PLCD4: variants seen among roughly 807,000 people sequenced by gnomAD.
PLCD4 encodes 1-phosphatidylinositol 4,5-bisphosphate phosphodiesterase delta-4.
PLCD4 carries 63 observed loss-of-function variants against 90.2 expected under a neutral mutation model. The ratio of observed to expected loss-of-function variants is 0.70; its 90% CI spans 0.57 to 0.86. The LOEUF (loss-of-function observed/expected upper bound fraction) is 0.86, where lower values mean the gene tolerates loss of function less well. Ranked by LOEUF, PLCD4 falls within the 40% of genes least tolerant of loss-of-function variation. The pLI is 0.00. For synonymous variants in PLCD4, 294 were observed against 356.5 expected, an observed-to-expected ratio of 0.82 and a Z score of 1.97; for missense variants, 830 against 956.3, an observed-to-expected ratio of 0.87 and a Z score of 1.74.
chr2:218,621,433 C>T (rs1559267287), intron 4 of PLCD4, 37 bp from the exon 5 acceptor site: 6 of 1,612,056 alleles, frequency 3.7e-6, no homozygotes, highest in East Asian at 2.2e-5. Flanking sequence ...CACACACAAA[C>T]AGATACATTA....
At chr2:218,613,107 A>G (rs557670542) in intron 1 of PLCD4, among the ~76,000 whole-genome samples, 4 of 152,278 alleles carry the variant, frequency 2.6e-5, no homozygotes, top group South Asian at 2.1e-4. Flanking sequence ...ATTAAGGAAC[A>G]TGGCTGGGTG....
Position 218,621,497 on chromosome 2 carries a change from A to T in PLCD4, c.438A>T (p.Gly146=). 6.2e-7 allele frequency: 1 copy of T among 1,614,010 alleles called. No individual in the cohort carries two copies. Among genetic ancestry groups the T allele is most frequent in the Non-Finnish European group, 8.5e-7 (1 of 1,179,872 alleles). Residue 146 remains glycine (G), a synonymous_variant, in exon 5 of 16, where the codon GGA becomes GGT. Coordinates refer to ENST00000450993, the MANE Select transcript of PLCD4 (RefSeq NM_032726.4). The part of the protein sequence containing the change: ...DQWLSDWFQR[G]DKNQDGKMSF... Reference sequence around the variant, plus strand: ...GGCTGAGCGATTGGTTTCAACGTGGAGACAAAAATCAGGATGGTAAGATGA... The same window carrying T: ...GGCTGAGCGATTGGTTTCAACGTGGTGACAAAAATCAGGATGGTAAGATGA...
chr2:218,616,898 T>TTATTTATATA (rs1553571889), intron 3 of PLCD4, among the ~76,000 whole-genome samples: 1 of 6,254 alleles, frequency 1.6e-4, no homozygotes, highest in Non-Finnish European at 4.2e-4. Context: ...AGCCATTATT[T>TTATTTATATA]TATATATATA....
At position 218,634,009 on chromosome 2, in the gene PLCD4, G is replaced by T; in HGVS notation, c.1607-96G>T. ...AAACTTTCTGGAGCCAGCTTCAGAT[G>T]CTGGAGAGAAGGGTGAAGAGTAGGC... On this transcript the variant is annotated intron_variant, in intron 11 of 15. Coordinates refer to ENST00000450993, the MANE Select transcript of PLCD4 (RefSeq NM_032726.4). The surrounding 1 kb of genome is among the most constrained non-coding windows in gnomAD (Gnocchi z 4.0). 1 of 1,480,748 alleles carries T rather than the reference G, an allele frequency of 6.8e-7. No homozygotes were observed. The allele number at this position is 1,480,748 out of a possible 1,614,324, so 91.7% of individuals were successfully genotyped here. A position where few individuals can be genotyped will look rare whatever the true frequency, so the allele number is the denominator to read the frequency against.
chr2:218,635,813 A>C lies in PLCD4; in HGVS notation c.1914A>C (p.Gln638His). 6 of 1,613,146 alleles carry C rather than the reference A, an allele frequency of 3.7e-6. No homozygotes were observed. The highest frequency in any genetic ancestry group is 4.2e-6 in the Non-Finnish European group (5 of 1,179,596). Reference sequence around the variant, plus strand: ...GACTACAGGTGATCAGCGGTCAGCAACTCCCCAAAGTGGACAAGACCAAAG... The same window carrying C: ...GACTACAGGTGATCAGCGGTCAGCACCTCCCCAAAGTGGACAAGACCAAAG... ...TLLIQVISGQQLPKVDKTKEG... is the reference protein window; with the variant it reads ...TLLIQVISGQHLPKVDKTKEG... Residue 638 changes from glutamine to histidine, a missense_variant, in exon 14 of 16, where the codon CAA (glutamine) becomes CAC (histidine). By Grantham distance (24) the Gln-to-His change is conservative (BLOSUM62 0). Transcript: ENST00000450993.
chr2:218,617,401 A>AC (rs1225700196), intron 3 of PLCD4, among the ~76,000 whole-genome samples: 6 of 150,324 alleles, frequency 4.0e-5, no homozygotes, highest in Non-Finnish European at 7.4e-5. Context: ...ACATGGTGAA[A>AC]CCCCATCTCT....
At position 218,635,874 on chromosome 2, in the gene PLCD4, A is replaced by G; in HGVS notation, c.1975A>G (p.Ile659Val). The G allele has an allele frequency of 6.2e-7, 1 of 1,613,976 alleles. No individual in the cohort carries two copies. The highest frequency in any genetic ancestry group is 1.7e-5 in the Admixed American group (1 of 60,026). The change falls in exon 14 of 16, where the codon ATC (isoleucine) becomes GTC (valine). Residue 659 changes from isoleucine to valine, a missense_variant. Coordinates refer to ENST00000450993, the MANE Select transcript of PLCD4 (RefSeq NM_032726.4). ...SIVDPLVKVQ[I>V]FGVRLDTARQ... ...TGTGGATCCACTGGTGAAAGTGCAG[A>G]TCTTTGGCGTTCGTCTAGACACAGC... is the stretch of plus-strand genomic sequence containing the variant.
chr2:218,632,057 A>C, intron 9 of PLCD4, 79 bp from the exon 10 acceptor site: 2 of 1,436,792 alleles, frequency 1.4e-6, no homozygotes, highest in Non-Finnish European at 1.8e-6. Flanking sequence ...TCTGCCTTTG[A>C]GAACAATGAG....
intron 1 of PLCD4, among the ~76,000 whole-genome samples, chr2:218,613,609 G>A (rs1695446829): frequency 6.6e-6 from 1 of 152,092 alleles, no homozygotes; most frequent in South Asian, 2.1e-4. Context: ...TGTCACCCAG[G>A]CTGGAGCTCA....
intron 9 of PLCD4, 72 bp downstream of exon 9, chr2:218,630,874 A>G (rs1205044273): frequency 2.1e-5 from 30 of 1,458,162 alleles, no homozygotes; most frequent in Non-Finnish European, 2.8e-5. Flanking sequence ...TCCTTCCTCT[A>G]TGCCCCTCTT....
intron 6 of PLCD4, 116 bp downstream of exon 6, chr2:218,622,994 C>T (rs555708147): frequency 1.2e-6 from 1 of 854,594 alleles, no homozygotes; most frequent in South Asian, 1.7e-5. Flanking sequence ...TATCCCTATC[C>T]TGACCCCTGC....
intron 4 of PLCD4, among the ~76,000 whole-genome samples, chr2:218,620,539 A>T (rs1322078508): frequency 1.3e-5 from 2 of 150,268 alleles, no homozygotes; most frequent in African/African-American, 4.9e-5. Context: ...AAGAATTTTT[A>T]TTTATTTATT....
chr2:218,635,912 C>T lies in PLCD4; in HGVS notation c.2013C>T (p.Thr671=). 1 of 1,613,960 alleles carries T rather than the reference C, an allele frequency of 6.2e-7. No homozygotes were observed. Among genetic ancestry groups the T allele is most frequent in the Non-Finnish European group, 8.5e-7 (1 of 1,179,896 alleles). The change falls in exon 14 of 16, where the codon ACC becomes ACT. Residue 671 remains threonine, a synonymous_variant. Transcript: ENST00000450993. The part of the protein sequence containing the change: ...GVRLDTARQE[T]NYVENNGFNP... Reference sequence around the variant, plus strand: ...GTCTAGACACAGCACGGCAGGAGACCAACTATGTGGAGAACAATGGTGAGA... The same window carrying T: ...GTCTAGACACAGCACGGCAGGAGACTAACTATGTGGAGAACAATGGTGAGA...
intron 4 of PLCD4, 104 bp downstream of exon 4, chr2:218,618,911 G>A: frequency 1.8e-6 from 2 of 1,116,560 alleles, no homozygotes; most frequent in South Asian, 1.5e-5. Flanking sequence ...CAGGGCTAGG[G>A]AGGCCCAAGG....
At position 218,614,639 on chromosome 2, in the gene PLCD4, C is replaced by T. The variant is rs938501147; in HGVS notation, c.-33-1068C>T. 4.0e-5 allele frequency among the ~76,000 whole-genome samples: 6 copies of T among 151,054 alleles called. No homozygotes were observed. In the South Asian group the frequency reaches 6.2e-4, roughly 16 times the overall value. ...TAATTTTTTTGTATTACTAGTGAGA[C>T]GGGGTTTTGCCATGTTGGCCAGGCA... is the stretch of plus-strand genomic sequence containing the variant. On this transcript the variant is annotated intron_variant, in intron 1 of 15. Coordinates refer to ENST00000450993, the MANE Select transcript of PLCD4 (RefSeq NM_032726.4).
At chr2:218,626,387 C>T (rs1327506554) in intron 6 of PLCD4, among the ~76,000 whole-genome samples, 1 of 152,214 alleles carries the variant, frequency 6.6e-6, no homozygotes, top group Non-Finnish European at 1.5e-5. Flanking sequence ...AGGCGAGCCT[C>T]CTTGTAGCAA....
At chr2:218,610,655 T>C (rs892087994) in intron 1 of PLCD4, among the ~76,000 whole-genome samples, 4 of 152,114 alleles carry the variant, frequency 2.6e-5, no homozygotes, top group Non-Finnish European at 4.4e-5. Context: ...AACTGTTTTC[T>C]AGAGAAGGCC....
At chr2:218,626,250 C>G (rs1207380150) in intron 6 of PLCD4, among the ~76,000 whole-genome samples, 6 of 113,066 alleles carry the variant, frequency 5.3e-5, no homozygotes, top group African/African-American at 2.0e-4. Context: ...GAGTGAGACT[C>G]TGTCTCCCAA....
intron 3 of PLCD4, among the ~76,000 whole-genome samples, chr2:218,616,923 TATATAGAGAGAGAGAGAGAG>T (rs1218336330): frequency 4.1e-5 from 1 of 24,152 alleles, no homozygotes; most frequent in African/African-American, 1.8e-4. Flanking sequence ...TATATATATA[TATATAGAGAGAGAGAGAGAG>T]AGAGAGAGAG....
Sources: allele counts gnomAD v4.1 joint callset (sites outside exome capture counted in the v4.1 genomes callset), GRCh38; gene constraint gnomAD v4.1.1; non-coding constraint Gnocchi (gnomAD v3.1); transcripts MANE v1.5; gene names NCBI Gene and HGNC (gene_info 2026-07-23, HGNC 2026-07-21).